Variants in ULK4 observed in about 807,000 individuals in gnomAD.
The protein encoded by ULK4 is inactive serine/threonine-protein kinase ULK4.
Under a neutral mutation model 160.6 loss-of-function variants are expected in ULK4, and 133 were observed. The observed-to-expected ratio is 0.83, with a 90% CI of 0.72 to 0.96. The LOEUF is 0.96. ULK4 is among the 40% of genes least tolerant of loss of function. ULK4 has a pLI of 0.00. For missense variants in ULK4, 1,580 were observed against 1,499.5 expected, an observed-to-expected ratio of 1.05 and a Z score of -0.89; for synonymous variants, 534 against 539.8, an observed-to-expected ratio of 0.99 and a Z score of 0.15.
intron 30 of ULK4, among the ~76,000 whole-genome samples, chr3:41,634,578 A>G (rs2033876811): frequency 6.6e-6 from 1 of 152,198 alleles, no homozygotes; most frequent in African/African-American, 2.4e-5. Context: ...GTTAACAGGC[A>G]AATGTCTGCA....
At chr3:41,555,907 T>G (rs909960359) in intron 32 of ULK4, among the ~76,000 whole-genome samples, 4 of 152,188 alleles carry the variant, frequency 2.6e-5, no homozygotes, top group Admixed American at 6.5e-5. Context: ...GCTATTATCC[T>G]TAGCAAACTA....
At chr3:41,318,285 T>G (rs539765459) in intron 35 of ULK4, among the ~76,000 whole-genome samples, 1 of 152,314 alleles carries the variant, frequency 6.6e-6, no homozygotes, top group African/African-American at 2.4e-5. Flanking sequence ...AAAATTCAAT[T>G]TGTAGGACAA....
chr3:41,565,258 A>C (rs1168043265), intron 32 of ULK4, among the ~76,000 whole-genome samples: 2 of 152,250 alleles, frequency 1.3e-5, no homozygotes, highest in Non-Finnish European at 2.9e-5. Context: ...GAATTTTAAC[A>C]GTACAGAAAT....
At chr3:41,335,238 T>A (rs931983092) in intron 35 of ULK4, among the ~76,000 whole-genome samples, 2 of 152,208 alleles carry the variant, frequency 1.3e-5, no homozygotes, top group Admixed American at 1.3e-4. Flanking sequence ...TAATTTAAAT[T>A]AGGCACTGAG....
chr3:41,369,666 C>T (rs1450899410), intron 35 of ULK4, among the ~76,000 whole-genome samples: 7 of 149,994 alleles, frequency 4.7e-5, no homozygotes, highest in Non-Finnish European at 8.9e-5. Context: ...TGGTGGTGGC[C>T]GCCTGTAATG....
At chr3:41,282,620 C>T (rs978373459) in intron 35 of ULK4, among the ~76,000 whole-genome samples, 1 of 152,164 alleles carries the variant, frequency 6.6e-6, no homozygotes, top group Non-Finnish European at 1.5e-5. Flanking sequence ...AAACTGGATC[C>T]CTTCCTTACA....
At chr3:41,403,503 G>C (rs940626897) in intron 34 of ULK4, among the ~76,000 whole-genome samples, 4 of 151,986 alleles carry the variant, frequency 2.6e-5, no homozygotes, top group African/African-American at 9.7e-5. Flanking sequence ...GTTGGATAGA[G>C]GTTTTTCAAT....
chr3:41,315,089 G>A (rs2080121885), intron 35 of ULK4, among the ~76,000 whole-genome samples: 2 of 152,010 alleles, frequency 1.3e-5, no homozygotes, highest in African/African-American at 2.4e-5. Context: ...TCTAAAACAA[G>A]AAAAATTGGG....
chr3:41,664,147 G>T (rs1442509297), intron 29 of ULK4, among the ~76,000 whole-genome samples: 2 of 152,154 alleles, frequency 1.3e-5, no homozygotes, highest in African/African-American at 2.4e-5. Context: ...TTGCTGTTGG[G>T]AAGATTCAGT....
At chr3:41,575,734 T>C (rs949541750) in intron 31 of ULK4, among the ~76,000 whole-genome samples, 12 of 152,266 alleles carry the variant, frequency 7.9e-5, no homozygotes, top group African/African-American at 2.9e-4. Flanking sequence ...TATGCTGAGC[T>C]TGTCTTTAGA....
At chr3:41,897,051 C>T (rs1397275718) in intron 14 of ULK4, 48 bp from the exon 15 acceptor site, 4 of 1,482,426 alleles carry the variant, frequency 2.7e-6, no homozygotes, top group Non-Finnish European at 3.7e-6. Context: ...AGAAAAAGAA[C>T]TGCTGGAAAC....
At chr3:41,931,681 A>G (rs1699609972) in intron 5 of ULK4, 163 bp downstream of exon 5, 4 of 839,850 alleles carry the variant, frequency 4.8e-6, no homozygotes, top group South Asian at 1.8e-5. Context: ...ACTTTAGGCC[A>G]TGGACAAAGC....
intron 12 of ULK4, among the ~76,000 whole-genome samples, chr3:41,905,361 T>C (rs1698515290): frequency 6.6e-6 from 1 of 152,128 alleles, no homozygotes; most frequent in Non-Finnish European, 1.5e-5. Context: ...ATCTAAGAGA[T>C]ACTAATAAAA....
intron 35 of ULK4, among the ~76,000 whole-genome samples, chr3:41,381,962 G>C (rs565529049): frequency 2.0e-5 from 3 of 152,174 alleles, no homozygotes; most frequent in Admixed American, 2.0e-4. Flanking sequence ...AACATACCAT[G>C]AATATACCTG....
intron 22 of ULK4, among the ~76,000 whole-genome samples, chr3:41,748,230 T>C (rs1575644658): frequency 6.7e-6 from 1 of 149,876 alleles, no homozygotes; most frequent in South Asian, 2.1e-4. Flanking sequence ...CATATATATA[T>C]ACACACACAC....
At chr3:41,322,035 T>TTTTA (rs1299833192) in intron 35 of ULK4, among the ~76,000 whole-genome samples, 1 of 144,006 alleles carries the variant, frequency 6.9e-6, no homozygotes, top group Non-Finnish European at 1.5e-5. Flanking sequence ...TTTTATTTTA[T>TTTTA]TTTATTTATT....
intron 17 of ULK4, among the ~76,000 whole-genome samples, chr3:41,873,604 A>G (rs1472082567): frequency 6.6e-6 from 1 of 152,110 alleles, no homozygotes; most frequent in Non-Finnish European, 1.5e-5. Context: ...CCCAGGCTAG[A>G]GCGCAGTTGT....
intron 32 of ULK4, among the ~76,000 whole-genome samples, chr3:41,541,160 T>C (rs542126242): frequency 2.2e-4 from 34 of 152,180 alleles, no homozygotes; most frequent in Middle Eastern, 3.4e-3. Flanking sequence ...TTTATGGTTT[T>C]ATCTTACATT....
intron 27 of ULK4, among the ~76,000 whole-genome samples, chr3:41,687,411 AAAT>A (rs2036139469): frequency 6.6e-6 from 1 of 152,098 alleles, no homozygotes; most frequent in African/African-American, 2.4e-5. Context: ...TTTAAATAAT[AAAT>A]AATAAAATCA....
Sources: gnomAD v4.1 joint callset for allele counts (sites outside exome capture counted in the v4.1 genomes callset) on GRCh38, gnomAD v4.1.1 for gene constraint, MANE v1.5 for transcripts, NCBI Gene and HGNC (gene_info 2026-07-23, HGNC 2026-07-21) for gene names.